VPS36: variants seen among roughly 807,000 people sequenced by gnomAD.
VPS36 encodes the protein vacuolar protein sorting 36 homolog, also known as vacuolar protein-sorting-associated protein 36.
Under a neutral mutation model 63.5 loss-of-function variants are expected in VPS36, and 31 were observed. That is an observed-to-expected ratio of 0.49 (90% confidence interval 0.37 to 0.66). The LOEUF is 0.66. Ranked by LOEUF, VPS36 falls within the 30% of genes least tolerant of loss-of-function variation. VPS36 has a pLI of 0.00. For synonymous variants in VPS36, 138 were observed against 157.2 expected, an observed-to-expected ratio of 0.88 and a Z score of 0.91; for missense variants, 338 against 463.7, an observed-to-expected ratio of 0.73 and a Z score of 2.49.
At chr13:52,417,895 C>T in intron 11 of VPS36, 97 bp downstream of exon 11, 2 of 967,114 alleles carry the variant, frequency 2.1e-6, no homozygotes, top group Non-Finnish European at 3.2e-6. Context: ...AATAATCTGG[C>T]TTGACACTAG....
chr13:52,433,109 A>G (rs1958176796), intron 6 of VPS36, among the ~76,000 whole-genome samples: 1 of 152,216 alleles, frequency 6.6e-6, no homozygotes, highest in African/African-American at 2.4e-5. Context: ...TGGTCTTTTT[A>G]GCTAGAGTTC....
intron 10 of VPS36, among the ~76,000 whole-genome samples, chr13:52,423,307 T>C (rs533414160): frequency 1.3e-5 from 2 of 152,108 alleles, no homozygotes; most frequent in South Asian, 2.1e-4. Context: ...AAGTTTTGAA[T>C]AGCAAAAAAT....
intron 1 of VPS36, among the ~76,000 whole-genome samples, chr13:52,444,680 T>C (rs1958320106): frequency 6.6e-6 from 1 of 151,560 alleles, no homozygotes; most frequent in Non-Finnish European, 1.5e-5. Context: ...ACTTATGATA[T>C]TAATACAGAA....
chr13:52,434,315 C>T (rs1168455093), intron 5 of VPS36, among the ~76,000 whole-genome samples: 3 of 152,158 alleles, frequency 2.0e-5, no homozygotes, highest in Admixed American at 1.3e-4. Flanking sequence ...GTTTACTAAG[C>T]GTCTGCTGTA....
At chr13:52,429,658 T>G (rs1958136017) in intron 6 of VPS36, among the ~76,000 whole-genome samples, 1 of 152,232 alleles carries the variant, frequency 6.6e-6, no homozygotes, top group Non-Finnish European at 1.5e-5. Flanking sequence ...AAATTAATGG[T>G]CCGTATGGTG....
intron 11 of VPS36, among the ~76,000 whole-genome samples, chr13:52,417,549 G>A (rs184488216): frequency 1.7e-3 from 252 of 152,160 alleles, no homozygotes; most frequent in African/African-American, 5.9e-3. Flanking sequence ...TAGGAGAGAC[G>A]GGGTTTCTCC....
At chr13:52,423,285 G>T (rs934694966) in intron 10 of VPS36, among the ~76,000 whole-genome samples, 5 of 151,810 alleles carry the variant, frequency 3.3e-5, no homozygotes, top group Admixed American at 3.3e-4. Flanking sequence ...CAATTATAAA[G>T]AAAAATAGAA....
At chr13:52,437,652 C>T (rs944471880) in intron 3 of VPS36, among the ~76,000 whole-genome samples, 3 of 151,992 alleles carry the variant, frequency 2.0e-5, no homozygotes, top group Non-Finnish European at 2.9e-5. Context: ...GAAATAAAGC[C>T]GGGCGCGGTG....
intron 4 of VPS36, 106 bp downstream of exon 4, chr13:52,436,184 T>C (rs1958213207): frequency 2.9e-6 from 2 of 700,420 alleles, no homozygotes; most frequent in African/African-American, 1.8e-5. Context: ...TGGTATGTTG[T>C]ATAATACTAC....
chr13:52,450,142 C>T, intron 1 of VPS36: 2 of 1,000,572 alleles, frequency 2.0e-6, no homozygotes, highest in Non-Finnish European at 2.4e-6. Flanking sequence ...AGGAAGTCGA[C>T]TGCCGGATCG....
At chr13:52,415,968 T>G in intron 13 of VPS36, 45 bp from the exon 14 acceptor site, 1 of 1,613,124 alleles carries the variant, frequency 6.2e-7, no homozygotes, top group Non-Finnish European at 8.5e-7. Flanking sequence ...TATCTGTTCA[T>G]GCAGACACAC....
rs1957986101 is a variant in VPS36 at position 52,415,688 on chromosome 13, G to T, written c.*142C>A. 6.1e-6 allele frequency: 5 copies of T among 820,820 alleles called. No individual in the cohort carries two copies. The highest frequency in any genetic ancestry group is 5.1e-5 in the African/African-American group (3 of 58,296). The allele number at this position is 820,820 out of a possible 1,614,324, so 50.8% of individuals were successfully genotyped here. ...AAATAAATTTCCTGGACCATATTTAGTGAGAAATTAAAAGAGATTTACATT... is the reference window on the plus strand; with the variant it reads ...AAATAAATTTCCTGGACCATATTTATTGAGAAATTAAAAGAGATTTACATT... On this transcript the variant is annotated 3_prime_UTR_variant, in exon 14 of 14. Coordinates refer to ENST00000378060, the MANE Select transcript of VPS36 (RefSeq NM_016075.4).
At chr13:52,425,751 C>A in intron 9 of VPS36, 181 bp downstream of exon 9, 3 of 574,240 alleles carry the variant, frequency 5.2e-6, no homozygotes, top group Admixed American at 4.1e-5. Context: ...TTAAAAACAA[C>A]TTAGAAAATT....
At chr13:52,444,467 C>T (rs7989121) in intron 1 of VPS36, among the ~76,000 whole-genome samples, 147,907 of 147,916 alleles carry the variant, frequency 1, 73,949 homozygotes, top group Middle Eastern at 1. Flanking sequence ...TTAAAAAATA[C>T]ATATATATAC....
intron 3 of VPS36, among the ~76,000 whole-genome samples, chr13:52,437,773 A>T (rs1178241153): frequency 6.6e-6 from 1 of 152,090 alleles, no homozygotes; most frequent in African/African-American, 2.4e-5. Flanking sequence ...TACTAAAAAT[A>T]CAAAAAATTA....
At chr13:52,417,915 A>G in intron 11 of VPS36, 77 bp downstream of exon 11, 1 of 1,296,212 alleles carries the variant, frequency 7.7e-7, no homozygotes, top group Admixed American at 2.1e-5. Context: ...GGGATGGCAA[A>G]CTTGGCTGGG....
rs545997400 is a variant in VPS36, at chr13:52,421,521, G to GTT, written c.840+2051_840+2052dup. On this transcript the variant is annotated intron_variant, in intron 10 of 13. Coordinates refer to ENST00000378060, the MANE Select transcript of VPS36 (RefSeq NM_016075.4). The stretch of plus-strand genomic sequence containing the variant: ...TTTTTTTTTTTCTGTTTCTGAGTAG[G>GTT]TTTTTTTTTTTTTTTTTTGAGATGG... Among the ~76,000 whole-genome samples the GTT allele has an allele frequency of 6.4e-3, 833 of 130,058 alleles. 11 individuals are homozygous for GTT. The highest frequency in any genetic ancestry group is 0.012 in the African/African-American group (435 of 35,534). 85.3% of individuals were successfully genotyped at this position (130,058 alleles called of 152,430 possible). A position where few individuals can be genotyped will look rare whatever the true frequency, so the allele number is the denominator to read the frequency against.
intron 4 of VPS36, among the ~76,000 whole-genome samples, chr13:52,435,257 CA>C (rs1958202854): frequency 1.3e-5 from 2 of 152,076 alleles, no homozygotes; most frequent in Non-Finnish European, 2.9e-5. Context: ...AGGTGTGAGC[CA>C]CCGCGCCCGG....
chr13:52,426,166 C>A, intron 8 of VPS36, 100 bp from the exon 9 acceptor site: 3 of 1,420,654 alleles, frequency 2.1e-6, no homozygotes, highest in Non-Finnish European at 2.9e-6. Context: ...GTCTACATAT[C>A]CCCATTCCTT....
Sources: allele counts gnomAD v4.1 joint callset (sites outside exome capture counted in the v4.1 genomes callset), GRCh38; gene constraint gnomAD v4.1.1; transcripts MANE v1.5; gene names NCBI Gene and HGNC (gene_info 2026-07-23, HGNC 2026-07-21).